Variants in HEPHL1 observed in about 807,000 individuals in gnomAD.
HEPHL1 encodes hephaestin like 1.
Under a neutral mutation model 122.0 loss-of-function variants are expected in HEPHL1, and 123 were observed. The observed-to-expected ratio is 1.01, with a 90% CI of 0.87 to 1.17. The LOEUF (loss-of-function observed/expected upper bound fraction) is 1.17. HEPHL1 is among the 50% of genes most tolerant of loss of function. HEPHL1 has a pLI of 0.00. For synonymous variants in HEPHL1, 527 were observed against 508.9 expected (o/e 1.04, Z -0.48); for missense variants, 1,452 against 1,430.5 (o/e 1.01, Z -0.24).
intron 2 of HEPHL1, chr11:94,055,892 T>C: frequency 1.3e-6 from 1 of 757,288 alleles, no homozygotes; most frequent in Non-Finnish European, 2.2e-6. Context: ...CCACATAATA[T>C]AAGGCAGAGC....
chr11:94,037,430 A>C (rs1945736370), intron 1 of HEPHL1, among the ~76,000 whole-genome samples: 1 of 152,024 alleles, frequency 6.6e-6, no homozygotes, highest in Non-Finnish European at 1.5e-5. Flanking sequence ...ACAGACAAAC[A>C]AAAAGACAGC....
At chr11:94,053,623 C>G (rs1945910190) in intron 2 of HEPHL1, among the ~76,000 whole-genome samples, 1 of 151,876 alleles carries the variant, frequency 6.6e-6, no homozygotes, top group Non-Finnish European at 1.5e-5. Context: ...CATGGCTTTA[C>G]CTGTATCTCA....
At chr11:94,024,927 T>C (rs1591457652) in intron 1 of HEPHL1, among the ~76,000 whole-genome samples, 1 of 152,290 alleles carries the variant, frequency 6.6e-6, no homozygotes, top group Non-Finnish European at 1.5e-5. Flanking sequence ...TAAAAGCTAA[T>C]CACCTTATCA....
intron 2 of HEPHL1, among the ~76,000 whole-genome samples, chr11:94,057,082 C>A (rs1337438426): frequency 6.6e-6 from 1 of 152,098 alleles, no homozygotes; most frequent in Non-Finnish European, 1.5e-5. Flanking sequence ...ATCTCATTGT[C>A]TTCTGGGTTC....
Position 94,063,518 on chromosome 11 carries a change from C to A in HEPHL1, c.426C>A (p.Tyr142Ter), listed in dbSNP as rs1177709139. 1 of 1,604,782 alleles carries A rather than the reference C, an allele frequency of 6.2e-7. No individual in the cohort carries two copies. Among genetic ancestry groups the A allele is most frequent in the Non-Finnish European group, 8.5e-7 (1 of 1,174,510 alleles). Residue 142 changes from tyrosine to a stop codon, truncating the protein, a stop_gained, in exon 3 of 20, where the codon TAC becomes TAA. Transcript: ENST00000315765. LOFTEE classifies it high-confidence loss of function. ...TTTATTTTTTGGAAGGAGCCCTATA[C>A]CCAGATGGAACATCTGGAAGGAACA... ...FYNKDSEGALYPDGTSGRNKN... is the reference protein window; with the variant it reads ...FYNKDSEGAL
chr11:94,111,428 G>T, intron 18 of HEPHL1, 109 bp from the exon 19 acceptor site: 1 of 845,730 alleles, frequency 1.2e-6, no homozygotes, highest in Non-Finnish European at 2.0e-6. Flanking sequence ...AGAAATGATT[G>T]GCAGATACTG....
intron 10 of HEPHL1, among the ~76,000 whole-genome samples, chr11:94,082,873 G>C (rs1326690614): frequency 6.6e-6 from 1 of 152,148 alleles, no homozygotes; most frequent in Non-Finnish European, 1.5e-5. Context: ...GAGGTGGGCA[G>C]ATCACGAGGT....
rs148025865 is a variant in HEPHL1, at chr11:94,090,048, C to T, written c.2294+1080C>T. Among the ~76,000 whole-genome samples the T allele has an allele frequency of 1.3e-4, 20 of 151,996 alleles. No individual in the cohort carries two copies. The East Asian group carries it at 2.5e-3, about 19-fold the overall frequency. ...AAGTATTTCTTTTCTTATTTATTGG[C>T]CTTTGTTTTGAGGGGCTGTACTTAT... On this transcript the variant is annotated intron_variant, in intron 12 of 19. Transcript: ENST00000315765.
At chr11:94,102,240 G>A (rs1346951962) in intron 14 of HEPHL1, among the ~76,000 whole-genome samples, 1 of 152,156 alleles carries the variant, frequency 6.6e-6, no homozygotes, top group Non-Finnish European at 1.5e-5. Flanking sequence ...TGTATTTAAT[G>A]ACATTATTTC....
intron 15 of HEPHL1, among the ~76,000 whole-genome samples, chr11:94,103,560 A>T (rs538047768): frequency 6.6e-6 from 1 of 152,308 alleles, no homozygotes; most frequent in African/African-American, 2.4e-5. Flanking sequence ...GAAACTACAA[A>T]ATTGTTTGAA....
rs776057510 is a variant in HEPHL1 at position 94,073,448 on chromosome 11, C to T, written c.1504+9C>T. On this transcript the variant is annotated intron_variant, in intron 8 of 19. Transcript: ENST00000315765. ...AGCCCCAAACCTAGATGGTAAGTCT[C>T]ACTCTGGGCTTAGGGAGGAAACAGG... 3 of 1,552,028 alleles carry T rather than the reference C, an allele frequency of 1.9e-6. No homozygotes were observed. The highest frequency in any genetic ancestry group is 1.4e-5 in the African/African-American group (1 of 73,162).
intron 1 of HEPHL1, among the ~76,000 whole-genome samples, chr11:94,022,929 A>C (rs1945593851): frequency 6.6e-6 from 1 of 152,212 alleles, no homozygotes; most frequent in Non-Finnish European, 1.5e-5. Flanking sequence ...TATAGCGTTT[A>C]AGCTAAATGT....
rs200824399 is a variant in HEPHL1 at position 94,021,389 on chromosome 11, T to C, written c.21T>C (p.Ala7=). ...CACAAATGCCTCGGAAGCAGCCAGC[T>C]GGCTGCATCTTTCTCCTCACATTCC... MPRKQP[A]GCIFLLTFLG... The change falls in exon 1 of 20, where the codon GCT becomes GCC. Residue 7 remains alanine (A), a synonymous_variant. Transcript: ENST00000315765. The C allele has an allele frequency of 1.5e-4, 242 of 1,612,928 alleles. 2 individuals are homozygous for C. The highest frequency in any genetic ancestry group is 4.4e-5 in the Non-Finnish European group (52 of 1,179,498).
At chr11:94,043,321 G>T (rs1460318229) in intron 1 of HEPHL1, among the ~76,000 whole-genome samples, 1 of 152,088 alleles carries the variant, frequency 6.6e-6, no homozygotes, top group Non-Finnish European at 1.5e-5. Context: ...TCATGTACCA[G>T]TCCCAAGTAC....
intron 12 of HEPHL1, among the ~76,000 whole-genome samples, chr11:94,092,271 TA>T (rs1409651222): frequency 6.6e-6 from 1 of 152,256 alleles, no homozygotes; most frequent in African/African-American, 2.4e-5. Context: ...TGAAATGTAC[TA>T]TACATGTAAG....
In HEPHL1 at chr11:94,113,607, T is replaced by G. The variant is rs556015318; in HGVS notation, c.*1713T>G. ...AGGCTGCATAATTTCATAATTATGG[T>G]AAATGCCTTATTTATTACCCACCTT... On this transcript the variant is annotated 3_prime_UTR_variant, in exon 20 of 20. Transcript: ENST00000315765. 2 of 152,352 alleles carry G rather than the reference T, an allele frequency of 1.3e-5. No homozygotes were observed. The highest frequency in any genetic ancestry group is 3.9e-4 in the East Asian group (2 of 5,188). 9.4% of individuals were successfully genotyped at this position (152,352 alleles called of 1,614,324 possible). A position where few individuals can be genotyped will look rare whatever the true frequency, so the allele number is the denominator to read the frequency against.
intron 11 of HEPHL1, among the ~76,000 whole-genome samples, chr11:94,086,895 G>A (rs1412500536): frequency 2.0e-5 from 3 of 151,732 alleles, no homozygotes; most frequent in South Asian, 4.1e-4. Context: ...CATTGAACAT[G>A]TTTTTCCAAA....
intron 2 of HEPHL1, chr11:94,055,170 A>G: frequency 4.5e-6 from 1 of 224,052 alleles, no homozygotes; most frequent in South Asian, 6.5e-5. Context: ...GTGAATTGGC[A>G]CTCAGCTCAG....
At position 94,093,608 on chromosome 11, in the gene HEPHL1, G is replaced by A. The variant is rs200108606; in HGVS notation, c.2402G>A (p.Arg801Gln). 2.7e-5 allele frequency: 44 copies of A among 1,613,544 alleles called. No individual in the cohort carries two copies. The African/African-American group carries it at 3.7e-4, about 14-fold the overall frequency. Residue 801 changes from arginine to glutamine, a missense_variant, in exon 13 of 20, where the codon CGA becomes CAA. Arg to Gln is a conservative substitution (Grantham distance 43). Transcript: ENST00000315765. The stretch of plus-strand genomic sequence containing the variant: ...GGAGAATTTGTGGAGATCAAAGCCC[G>A]ACCACCACGAGAGGAGCACTTAGAA... ...TDGEFVEIKA[R>Q]PPREEHLELL...
Sources: allele counts gnomAD v4.1 joint callset (sites outside exome capture counted in the v4.1 genomes callset), GRCh38; gene constraint gnomAD v4.1.1; transcripts MANE v1.5; gene names NCBI Gene and HGNC (gene_info 2026-07-23, HGNC 2026-07-21).